Variants in APPL1 observed in about 807,000 individuals in gnomAD.
APPL1 encodes DCC-interacting protein 13-alpha.
In APPL1, 42 loss-of-function variants were observed where a neutral mutation model predicts 106.8. The observed-to-expected ratio is 0.39, with a 90% CI of 0.31 to 0.51. The LOEUF (loss-of-function observed/expected upper bound fraction) is 0.51, where lower values mean the gene tolerates loss of function less well. Among genes scored for constraint, APPL1 ranks in the 20% least tolerant of loss-of-function variants. APPL1 has a pLI of 0.75. For missense variants in APPL1, 769 were observed against 858.2 expected (o/e 0.90, Z 1.30); for synonymous variants, 263 against 281.8 (o/e 0.93, Z 0.67).
At chr3:57,254,277 ACT>A (rs1319840721) in intron 13 of APPL1, among the ~76,000 whole-genome samples, 1 of 152,188 alleles carries the variant, frequency 6.6e-6, no homozygotes, top group Non-Finnish European at 1.5e-5. Context: ...GGACTATTTA[ACT>A]CTGCGTTGAG....
rs547405947 is a variant in APPL1 at position 57,234,104 on chromosome 3, A to G, written c.55-1462A>G. On this transcript the variant is annotated intron_variant, in intron 1 of 21. Coordinates refer to ENST00000288266, the MANE Select transcript of APPL1 (RefSeq NM_012096.3). ...TCAAACAACAACAGCGACACCCACA[A>G]CAGTTTCTAAGGCTGAGGCATAAAT... is the stretch of plus-strand genomic sequence containing the variant. 5.9e-5 allele frequency among the ~76,000 whole-genome samples: 9 copies of G among 152,236 alleles called. No homozygotes were observed. The East Asian group carries it at 1.7e-3, about 29-fold the overall frequency.
rs749913296 is a variant in APPL1, at chr3:57,269,693, T to A, written c.*6T>A. The A allele has an allele frequency of 5.0e-6, 8 of 1,613,552 alleles. No homozygotes were observed. Among genetic ancestry groups the A allele is most frequent in the Admixed American group, 3.3e-5 (2 of 60,006 alleles). On this transcript the variant is annotated 3_prime_UTR_variant, in exon 22 of 22. Coordinates refer to ENST00000288266, the MANE Select transcript of APPL1 (RefSeq NM_012096.3). Reference sequence around the variant, plus strand: ...AGAGAGAATCAGAAGCATAAGCTTATACTTTTGGTAGATATTCCCCCTTGG... The same window carrying A: ...AGAGAGAATCAGAAGCATAAGCTTAAACTTTTGGTAGATATTCCCCCTTGG...
rs1376900719 is a variant in APPL1 at position 57,240,549 on chromosome 3, A to C, written c.370A>C (p.Lys124Gln). ...PITQFKERDL[K>Q]EILTLKEVFQ... The stretch of plus-strand genomic sequence containing the variant: ...TACCCAGTTTAAAGAAAGAGATCTG[A>C]AAGGTATTGAAGTCAAGCTTATGTT... The change falls in exon 5 of 22, where the codon AAA becomes CAA. Residue 124 changes from lysine (K) to glutamine (Q), a missense_variant. Transcript: ENST00000288266. The C allele has an allele frequency of 2.5e-6, 4 of 1,612,404 alleles. No individual in the cohort carries two copies. In the African/African-American group the frequency reaches 5.3e-5, roughly 22 times the overall value.
At chr3:57,234,693 C>T (rs1160549693) in intron 1 of APPL1, among the ~76,000 whole-genome samples, 1 of 148,806 alleles carries the variant, frequency 6.7e-6, no homozygotes, top group Non-Finnish European at 1.5e-5. Context: ...GCTTTGTCGC[C>T]CGCCCAGGCT....
intron 21 of APPL1, chr3:57,269,239 G>A (rs2060917709): frequency 4.8e-6 from 1 of 208,012 alleles, no homozygotes; most frequent in African/African-American, 2.3e-5. Context: ...GATCCCTTTC[G>A]AGGGTTTTAC....
At chr3:57,250,333 T>TCTCA (rs2060796734) in intron 11 of APPL1, among the ~76,000 whole-genome samples, 4 of 152,118 alleles carry the variant, frequency 2.6e-5, no homozygotes, top group Admixed American at 2.6e-4. Flanking sequence ...TGTAGAGATG[T>TCTCA]CTCATCATGT....
intron 13 of APPL1, 50 bp from the exon 14 acceptor site, chr3:57,256,907 G>T (rs996599672): frequency 6.9e-7 from 1 of 1,459,004 alleles, no homozygotes; most frequent in Admixed American, 1.7e-5. Flanking sequence ...TCAAACTTTT[G>T]GTTTGCTTAC....
At position 57,248,097 on chromosome 3, in the gene APPL1, A is replaced by G. The variant is rs531082949; in HGVS notation, c.705-96A>G. On this transcript the variant is annotated intron_variant, in intron 9 of 21. Coordinates refer to ENST00000288266, the MANE Select transcript of APPL1 (RefSeq NM_012096.3). ...CACCCATGCCGCTCTTCCTCTCTTT[A>G]AGAAAACATACCCGAAACAAATATG... 2.1e-5 allele frequency: 28 copies of G among 1,324,908 alleles called. 1 individual carries two copies. The South Asian group carries it at 4.7e-4, about 22-fold the overall frequency. The allele number at this position is 1,324,908 out of a possible 1,614,324, so 82.1% of individuals were successfully genotyped here.
At chr3:57,242,753 C>A (rs2060753504) in intron 6 of APPL1, 103 bp from the exon 7 acceptor site, 1 of 834,248 alleles carries the variant, frequency 1.2e-6, no homozygotes, top group Non-Finnish European at 2.0e-6. Flanking sequence ...GAAATTCTTG[C>A]TTTAGTACGT....
Position 57,228,084 on chromosome 3 carries a change from G to C in APPL1, c.54+147G>C, listed in dbSNP as rs977255767. 3.1e-6 allele frequency: 2 copies of C among 635,810 alleles called. No homozygotes were observed. The highest frequency in any genetic ancestry group is 5.2e-4 in the Middle Eastern group (1 of 1,906). The allele number at this position is 635,810 out of a possible 1,614,324, so 39.4% of individuals were successfully genotyped here. On this transcript the variant is annotated intron_variant, in intron 1 of 21. Coordinates refer to ENST00000288266, the MANE Select transcript of APPL1 (RefSeq NM_012096.3). The surrounding 1 kb of genome is among the most constrained non-coding windows in gnomAD (Gnocchi z 4.6). ...TCACCGCCCGTCGCAGGCCGCGCCC[G>C]GAGTTGTGGAGGCTGGGCCCGCCGC...
chr3:57,266,916 C>T (rs137964919), intron 19 of APPL1, among the ~76,000 whole-genome samples: 139 of 152,226 alleles, frequency 9.1e-4, no homozygotes, highest in Non-Finnish European at 1.5e-3. Flanking sequence ...CAAGTGGCTT[C>T]GTTCCTGGGT....
Position 57,269,666 on chromosome 3 carries a change from G to A in APPL1, c.2109G>A (p.Lys703=). ...SEESDLGEGG[K]KRESEA ...AGAGTGATTTGGGAGAAGGAGGAAAGAAGAGAGAATCAGAAGCATAAGCTT... is the reference window on the plus strand; with the variant it reads ...AGAGTGATTTGGGAGAAGGAGGAAAAAAGAGAGAATCAGAAGCATAAGCTT... Residue 703 remains lysine (K), a synonymous_variant, in exon 22 of 22, where the codon AAG becomes AAA. Coordinates refer to ENST00000288266, the MANE Select transcript of APPL1 (RefSeq NM_012096.3). 1.9e-6 allele frequency: 3 copies of A among 1,614,058 alleles called. No homozygotes were observed. Among genetic ancestry groups the A allele is most frequent in the Non-Finnish European group, 1.7e-6 (2 of 1,179,958 alleles).
At chr3:57,239,897 G>A (rs6762354) in intron 4 of APPL1, among the ~76,000 whole-genome samples, 55,773 of 151,840 alleles carry the variant, frequency 0.37, 12,190 homozygotes, top group East Asian at 0.85. Context: ...GGCCATCTGA[G>A]TGAGTGTGAA....
At chr3:57,233,684 C>T (rs2060701085) in intron 1 of APPL1, among the ~76,000 whole-genome samples, 1 of 152,138 alleles carries the variant, frequency 6.6e-6, no homozygotes, top group Non-Finnish European at 1.5e-5. Flanking sequence ...TAGGGACTTA[C>T]TGGCATCATG....
At chr3:57,240,197 G>A (rs1183831041) in intron 4 of APPL1, among the ~76,000 whole-genome samples, 1 of 141,372 alleles carries the variant, frequency 7.1e-6, no homozygotes, top group Non-Finnish European at 1.5e-5. Context: ...TTTTGATGAT[G>A]TCCATTATAT....
At chr3:57,260,917 C>T in intron 19 of APPL1, 143 bp downstream of exon 19, 1 of 1,013,692 alleles carries the variant, frequency 9.9e-7, no homozygotes, top group Non-Finnish European at 1.4e-6. Context: ...ATTTATGAGG[C>T]ACATGTGAAT....
intron 15 of APPL1, 21 bp from the exon 16 acceptor site, chr3:57,259,007 A>G: frequency 6.2e-7 from 1 of 1,600,660 alleles, no homozygotes; most frequent in Non-Finnish European, 8.5e-7. Context: ...ATGTGTTCAT[A>G]TTTTCTTCTA....
intron 13 of APPL1, among the ~76,000 whole-genome samples, 164 bp from the exon 14 acceptor site, chr3:57,256,793 T>A (rs2060838529): frequency 6.6e-6 from 1 of 152,170 alleles, no homozygotes; most frequent in Non-Finnish European, 1.5e-5. Context: ...AGGAAATCAG[T>A]TATGTACCCT....
rs1433689449 is a variant in APPL1, at chr3:57,240,540, A to G, written c.361A>G (p.Arg121Gly). The G allele has an allele frequency of 6.2e-7, 1 of 1,613,478 alleles. No individual in the cohort carries two copies. The highest frequency in any genetic ancestry group is 1.3e-5 in the African/African-American group (1 of 74,930). Reference sequence around the variant, plus strand: ...GTTCCCCATTACCCAGTTTAAAGAAAGAGATCTGAAAGGTATTGAAGTCAA... The same window carrying G: ...GTTCCCCATTACCCAGTTTAAAGAAGGAGATCTGAAAGGTATTGAAGTCAA... Reference protein sequence around the residue: ...MMFPITQFKERDLKEILTLKE... With the variant: ...MMFPITQFKEGDLKEILTLKE... Residue 121 changes from arginine to glycine, a missense_variant, in exon 5 of 22, where the codon AGA becomes GGA. By Grantham distance (125) the Arg-to-Gly change is moderately radical. Coordinates refer to ENST00000288266, the MANE Select transcript of APPL1 (RefSeq NM_012096.3).
Sources: allele counts gnomAD v4.1 joint callset (sites outside exome capture counted in the v4.1 genomes callset), GRCh38; gene constraint gnomAD v4.1.1; non-coding constraint Gnocchi (gnomAD v3.1); transcripts MANE v1.5; gene names NCBI Gene and HGNC (gene_info 2026-07-23, HGNC 2026-07-21).